ATP10B: variants seen among roughly 807,000 people sequenced by gnomAD.
ATP10B encodes the protein phospholipid-transporting ATPase VB.
Under a neutral mutation model 141.2 loss-of-function variants are expected in ATP10B, and 122 were observed. That is an observed-to-expected ratio of 0.86 (90% CI 0.75 to 1.00). The LOEUF is 1.00. Ranked by LOEUF, ATP10B falls within the 50% of genes least tolerant of loss-of-function variation. The pLI is 0.00. For missense variants in ATP10B, 1,876 were observed against 1,825.3 expected (o/e 1.03, Z -0.51); for synonymous variants, 685 against 692.0 (o/e 0.99, Z 0.16).
chr5:160,857,418 ATTCTC>A, the ATP10B span, among the ~76,000 whole-genome samples: 4 of 151,460 alleles, frequency 2.6e-5, no homozygotes, highest in East Asian at 7.8e-4. Context: ...ATTTTTGTCT[ATTCTC>A]TTGTCAGTCT....
chr5:160,748,318 C>T (rs1767944404), intron 2 of ATP10B, among the ~76,000 whole-genome samples: 1 of 152,176 alleles, frequency 6.6e-6, no homozygotes, highest in African/African-American at 2.4e-5. Context: ...CGGTATGCTC[C>T]CTACAAAGCA....
intron 9 of ATP10B, 91 bp downstream of exon 9, chr5:160,644,047 G>A (rs1760086002): frequency 4.8e-6 from 5 of 1,043,552 alleles, no homozygotes; most frequent in Admixed American, 3.5e-5. Flanking sequence ...AAGTTACTGT[G>A]AACAGTTGTT....
chr5:160,765,425 T>C (rs7721263), intron 2 of ATP10B, among the ~76,000 whole-genome samples: 40,629 of 151,932 alleles, frequency 0.27, 6,679 homozygotes, highest in African/African-American at 0.44. Flanking sequence ...TTATAGCCAA[T>C]GGATCTTCGA....
At position 160,574,207 on chromosome 5, in the gene ATP10B, A is replaced by G. The variant is rs374225213; in HGVS notation, c.3751-4524T>C. On this transcript the variant is annotated intron_variant, in intron 24 of 25. Coordinates refer to ENST00000327245, the MANE Select transcript of ATP10B (RefSeq NM_025153.3). ...CACTTTGGGAGGCCATGGTGGGTGGATCACTTGAGGTCAGGAGGAGTTCAA... is the reference window on the plus strand; with the variant it reads ...CACTTTGGGAGGCCATGGTGGGTGGGTCACTTGAGGTCAGGAGGAGTTCAA... Among the ~76,000 whole-genome samples, 25 of 152,288 alleles carry G rather than the reference A, an allele frequency of 1.6e-4. 2 individuals are homozygous for G. Among genetic ancestry groups the G allele is most frequent in the Admixed American group, 9.8e-4 (15 of 15,306 alleles).
intron 2 of ATP10B, among the ~76,000 whole-genome samples, chr5:160,724,027 A>G (rs776686046): frequency 9.2e-5 from 14 of 152,212 alleles, no homozygotes; most frequent in Admixed American, 2.0e-4. Flanking sequence ...ACAGGAACAG[A>G]AAACCAAATC....
At chr5:160,715,263 C>T (rs1450538239) in intron 3 of ATP10B, among the ~76,000 whole-genome samples, 24 of 126,170 alleles carry the variant, frequency 1.9e-4, no homozygotes, top group Admixed American at 3.1e-4. Context: ...TAGCAATCAG[C>T]GAGATTCCGT....
intron 1 of ATP10B, among the ~76,000 whole-genome samples, chr5:160,790,177 A>G (rs970101320): frequency 1.3e-5 from 2 of 152,132 alleles, no homozygotes; most frequent in African/African-American, 4.8e-5. Context: ...TATTTTCTTT[A>G]AAGGACATTT....
Position 160,827,434 on chromosome 5 carries a change from G to T in ATP10B, c.-576+24507C>A, listed in dbSNP as rs1774700807. Among the ~76,000 whole-genome samples the T allele has an allele frequency of 2.6e-5, 4 of 152,106 alleles. No homozygotes were observed. The South Asian group carries it at 6.2e-4, about 24-fold the overall frequency. ...ATGTTGAGCATTTTTTCATACCTTTGTTGGCCATGTGTATGGCTTCTTTCA... is the reference window on the plus strand; with the variant it reads ...ATGTTGAGCATTTTTTCATACCTTTTTTGGCCATGTGTATGGCTTCTTTCA... On this transcript the variant is annotated intron_variant, in intron 1 of 25. Coordinates refer to ENST00000327245, the MANE Select transcript of ATP10B (RefSeq NM_025153.3).
At chr5:160,919,087 G>T in the ATP10B span, among the ~76,000 whole-genome samples, 1 of 150,084 alleles carries the variant, frequency 6.7e-6, no homozygotes, top group Non-Finnish European at 1.5e-5. Flanking sequence ...AGCCGGGCAT[G>T]GTGGCGCGCA....
At chr5:160,898,277 C>A in the ATP10B span, among the ~76,000 whole-genome samples, 1 of 152,020 alleles carries the variant, frequency 6.6e-6, no homozygotes, top group Non-Finnish European at 1.5e-5. Flanking sequence ...TATCCAGAAT[C>A]TACAAGAAAC....
At chr5:160,859,433 T>G in the ATP10B span, among the ~76,000 whole-genome samples, 1 of 145,844 alleles carries the variant, frequency 6.9e-6, no homozygotes, top group Non-Finnish European at 1.5e-5. Context: ...TGGTGTAGAT[T>G]TCTTTGAATT....
At chr5:160,685,799 T>G (rs1428262587) in intron 6 of ATP10B, among the ~76,000 whole-genome samples, 1 of 152,188 alleles carries the variant, frequency 6.6e-6, no homozygotes, top group African/African-American at 2.4e-5. Flanking sequence ...GGTTAATAAT[T>G]GTTCCCCGGT....
At chr5:160,720,967 ATAAGAGTTGGTTGCAGTAAG>A (rs1561787672) in intron 2 of ATP10B, among the ~76,000 whole-genome samples, 1 of 152,238 alleles carries the variant, frequency 6.6e-6, no homozygotes, top group African/African-American at 2.4e-5. Flanking sequence ...AATAATTGGC[ATAAGAGTTGGTTGCAGTAAG>A]TAAGCCTGTT....
At chr5:160,858,759 G>A in the ATP10B span, among the ~76,000 whole-genome samples, 1 of 151,606 alleles carries the variant, frequency 6.6e-6, no homozygotes, top group Admixed American at 6.6e-5. Flanking sequence ...CTTTTTGAAT[G>A]ATTTAGATAT....
chr5:160,778,492 CTTTT>C (rs765819056), intron 2 of ATP10B, among the ~76,000 whole-genome samples: 2 of 152,124 alleles, frequency 1.3e-5, no homozygotes, highest in Non-Finnish European at 2.9e-5. Flanking sequence ...TTTTCCCCCT[CTTTT>C]TTAAGTATCT....
At chr5:160,825,457 T>G (rs1253826599) in intron 1 of ATP10B, among the ~76,000 whole-genome samples, 1 of 152,212 alleles carries the variant, frequency 6.6e-6, no homozygotes, top group Non-Finnish European at 1.5e-5. Context: ...ATGTGAGACA[T>G]GCCTTTCACC....
rs558021262 is a variant in ATP10B, at chr5:160,565,997, G to A, written c.3939-97C>T. ...GTCTTTAGAATCCAACTCCCTGCCT[G>A]GAGCAAGATCCTCTTTACTGCTATT... On this transcript the variant is annotated intron_variant, in intron 25 of 25. Coordinates refer to ENST00000327245, the MANE Select transcript of ATP10B (RefSeq NM_025153.3). 31 of 1,178,642 alleles carry A rather than the reference G, an allele frequency of 2.6e-5. No homozygotes were observed. In the Admixed American group the frequency reaches 7.9e-4, roughly 30 times the overall value. 73.0% of individuals were successfully genotyped at this position (1,178,642 alleles called of 1,614,324 possible).
intron 13 of ATP10B, among the ~76,000 whole-genome samples, chr5:160,623,155 T>G (rs10476328): frequency 0.78 from 119,258 of 152,158 alleles, 46,880 homozygotes; most frequent in East Asian, 0.84. Context: ...ACTCCTGTAT[T>G]CCTCTGATCA....
chr5:160,576,955 AG>A (rs1394905356), intron 24 of ATP10B, among the ~76,000 whole-genome samples: 1 of 152,184 alleles, frequency 6.6e-6, no homozygotes, highest in African/African-American at 2.4e-5. Flanking sequence ...TGGAGATAGG[AG>A]GATCTTCTGA....
Sources: allele counts gnomAD v4.1 joint callset (sites outside exome capture counted in the v4.1 genomes callset), GRCh38; gene constraint gnomAD v4.1.1; transcripts MANE v1.5; gene names NCBI Gene and HGNC (gene_info 2026-07-23, HGNC 2026-07-21).